Variants in GNL3 observed in about 807,000 individuals in gnomAD.
GNL3 encodes guanine nucleotide-binding protein-like 3.
In GNL3, 77 loss-of-function variants were observed where a neutral mutation model predicts 70.6. The ratio of observed to expected loss-of-function variants is 1.09; its 90% CI spans 0.91 to 1.32. The LOEUF (loss-of-function observed/expected upper bound fraction) is 1.32. Ranked by LOEUF, GNL3 falls within the 40% of genes most tolerant of loss-of-function variation. The probability of loss-of-function intolerance (pLI) is 0.00; values close to 1 mark genes in which losing one functional copy is unlikely to be tolerated. For synonymous variants in GNL3, 252 were observed against 216.1 expected, an observed-to-expected ratio of 1.17 and a Z score of -1.46; for missense variants, 634 against 644.0, an observed-to-expected ratio of 0.98 and a Z score of 0.17.
intron 6 of GNL3, among the ~76,000 whole-genome samples, chr3:52,690,387 C>T (rs1165888468): frequency 6.6e-6 from 1 of 152,082 alleles, no homozygotes; most frequent in Admixed American, 6.5e-5. Context: ...CTCAGCCTCC[C>T]GAGTAGCTGG....
chr3:52,691,990 G>A (rs909640801), intron 9 of GNL3, among the ~76,000 whole-genome samples: 11 of 152,024 alleles, frequency 7.2e-5, no homozygotes, highest in African/African-American at 1.9e-4. Flanking sequence ...CCAAGCCACC[G>A]CGCCCGGCCT....
At chr3:52,686,155 C>T in intron 1 of GNL3, 50 bp downstream of exon 1, 1 of 1,586,976 alleles carries the variant, frequency 6.3e-7, no homozygotes, top group Non-Finnish European at 8.6e-7. Context: ...CTGGAAGTTG[C>T]TGCAGCCACC....
In GNL3 at chr3:52,693,276, T is replaced by C; in HGVS notation, c.1134T>C (p.Gly378=). ...LAQRRGMHQK[G]GIPNVEGAAK... ...AGAGAAGAGGTATGCACCAAAAAGG[T>C]GGAATCCCAAATGTTGAAGGTGCTG... Residue 378 remains glycine, a synonymous_variant, in exon 11 of 15, where the codon GGT becomes GGC. Coordinates refer to ENST00000418458, the MANE Select transcript of GNL3 (RefSeq NM_014366.5). 1 of 1,614,114 alleles carries C rather than the reference T, an allele frequency of 6.2e-7. No homozygotes were observed. Among genetic ancestry groups the C allele is most frequent in the Non-Finnish European group, 8.5e-7 (1 of 1,180,010 alleles).
At position 52,690,709 on chromosome 3, in the gene GNL3, C is replaced by T. The variant is rs765710407; in HGVS notation, c.654+5C>T. On this transcript the variant is annotated splice_donor_5th_base_variant and intron_variant, in intron 7 of 14. Coordinates refer to ENST00000418458, the MANE Select transcript of GNL3 (RefSeq NM_014366.5). ...GATAAAGGGAAGATAACCAAGGTAT[C>T]CTTTATTAGTGGTAAGAAATGTGAT... 1 of 1,455,580 alleles carries T rather than the reference C, an allele frequency of 6.9e-7. No homozygotes were observed. Among genetic ancestry groups the T allele is most frequent in the East Asian group, 2.3e-5 (1 of 44,186 alleles). The allele number at this position is 1,455,580 out of a possible 1,614,324, so 90.2% of individuals were successfully genotyped here.
At chr3:52,688,850 C>A in intron 5 of GNL3, 1 of 557,742 alleles carries the variant, frequency 1.8e-6, no homozygotes, top group South Asian at 2.1e-5. Context: ...CCATCTTGAT[C>A]AGAGACTGCT....
chr3:52,686,355 A>C, intron 1 of GNL3: 1 of 591,392 alleles, frequency 1.7e-6, no homozygotes, highest in East Asian at 2.8e-5. Context: ...AGATTTTCGT[A>C]AGGAAGCAGC....
intron 9 of GNL3, 147 bp downstream of exon 9, chr3:52,691,776 C>T: frequency 1.7e-6 from 1 of 602,944 alleles, no homozygotes; most frequent in Non-Finnish European, 3.0e-6. Flanking sequence ...AATCTCGGCT[C>T]ACTGCAACCT....
intron 7 of GNL3, 85 bp downstream of exon 7, chr3:52,690,789 A>G (rs2097326506): frequency 8.7e-7 from 1 of 1,143,828 alleles, no homozygotes; most frequent in African/African-American, 1.5e-5. Context: ...ATTTAAGTGA[A>G]TGAAAAATTA....
intron 7 of GNL3, 92 bp downstream of exon 7, chr3:52,690,796 A>T: frequency 8.7e-7 from 1 of 1,155,392 alleles, no homozygotes; most frequent in Non-Finnish European, 1.3e-6. Flanking sequence ...TGAATGAAAA[A>T]TTACAAGATC....
chr3:52,688,778 C>T, intron 5 of GNL3: 1 of 377,142 alleles, frequency 2.7e-6, no homozygotes, highest in Non-Finnish European at 4.9e-6. Context: ...GCCAGAAGGA[C>T]CTATCAAACT....
chr3:52,694,051 C>T lies in GNL3; in HGVS notation c.1515C>T (p.Gly505=). 2 of 1,613,630 alleles carry T rather than the reference C, an allele frequency of 1.2e-6. No homozygotes were observed. Among genetic ancestry groups the T allele is most frequent in the Non-Finnish European group, 1.7e-6 (2 of 1,179,536 alleles). ...VDEEVDENSS[G]MFAAEETGEA... ...TTGTCACACAGGAAAACAGCTCAGG[C>T]ATGTTTGCTGCAGAAGAGACAGGGG... Residue 505 remains glycine, a synonymous_variant, in exon 14 of 15, where the codon GGC becomes GGT. Transcript: ENST00000418458.
At chr3:52,686,331 G>C (rs1578557160) in intron 1 of GNL3, 1 of 601,142 alleles carries the variant, frequency 1.7e-6, no homozygotes, top group East Asian at 2.8e-5. Context: ...GCAGAGGGTG[G>C]GGAAGACTAG....
In GNL3 at chr3:52,688,141, C is replaced by A; in HGVS notation, c.357C>A (p.Ala119=). 6.2e-7 allele frequency: 1 copy of A among 1,611,472 alleles called. No individual in the cohort carries two copies. Among genetic ancestry groups the A allele is most frequent in the East Asian group, 2.2e-5 (1 of 44,880 alleles). ...EFGLCKTENK[A]KSGKQNSKKL... is the part of the protein sequence containing the mutation. ...GGCTTTGCAAAACTGAGAACAAAGC[C>A]AAGTCGGGCAAACAGAATTCAAAGA... The change falls in exon 5 of 15, where the codon GCC becomes GCA. Residue 119 remains alanine (A), a synonymous_variant. Transcript: ENST00000418458.
chr3:52,688,504 C>T (rs2154099475), intron 5 of GNL3, among the ~76,000 whole-genome samples: 1 of 152,080 alleles, frequency 6.6e-6, no homozygotes, highest in South Asian at 2.1e-4. Flanking sequence ...TTCTTTGGTT[C>T]TAAATATTTG....
At chr3:52,688,962 G>A (rs551039454) in intron 5 of GNL3, 112 bp from the exon 6 acceptor site, 2 of 836,346 alleles carry the variant, frequency 2.4e-6, no homozygotes, top group Non-Finnish European at 3.9e-6. Context: ...TCACCCTGTT[G>A]CTAAATGGAT....
At chr3:52,693,570 TTCA>T (rs770592351) in intron 12 of GNL3, 26 bp downstream of exon 12, 4 of 1,613,768 alleles carry the variant, frequency 2.5e-6, no homozygotes, top group Non-Finnish European at 3.4e-6. Context: ...CGCTGCTGTC[TTCA>T]TCAGCTGACA....
rs1462696338 is a variant in GNL3 at position 52,686,824 on chromosome 3, AAAG to A, written c.70_72del (p.Lys24del). 1 of 1,608,518 alleles carries A rather than the reference AAAG, an allele frequency of 6.2e-7. No homozygotes were observed. On this transcript the variant is annotated inframe_deletion and splice_region_variant, in exon 2 of 15. Coordinates refer to ENST00000418458, the MANE Select transcript of GNL3 (RefSeq NM_014366.5). ...GCCATAAGCGGTATAAAATCCAAAA[AAAG>A]GTAAGTGTAGTGCTTGAGAGAGCTG... is the stretch of plus-strand genomic sequence containing the variant.
intron 5 of GNL3, 21 bp downstream of exon 5, chr3:52,688,213 G>T: frequency 7.3e-7 from 1 of 1,363,992 alleles, no homozygotes; most frequent in Non-Finnish European, 1.0e-6. Flanking sequence ...CTAGGTCAGT[G>T]TCTGACAGTA....
intron 6 of GNL3, among the ~76,000 whole-genome samples, chr3:52,689,932 A>G (rs1249215711): frequency 2.0e-5 from 3 of 152,338 alleles, no homozygotes; most frequent in Admixed American, 2.0e-4. Flanking sequence ...AGCCTGGGCA[A>G]CAACACTTCG....
Sources: gnomAD v4.1 joint callset for allele counts (sites outside exome capture counted in the v4.1 genomes callset) on GRCh38, gnomAD v4.1.1 for gene constraint, MANE v1.5 for transcripts, NCBI Gene and HGNC (gene_info 2026-07-23, HGNC 2026-07-21) for gene names.